HCLS1: variants seen among roughly 807,000 people sequenced by gnomAD.
HCLS1 encodes the protein hematopoietic lineage cell-specific protein.
HCLS1 carries 44 observed loss-of-function variants against 68.6 expected under a neutral mutation model. That is an observed-to-expected ratio of 0.64 (90% confidence interval 0.50 to 0.82). The LOEUF (loss-of-function observed/expected upper bound fraction) is 0.82, where lower values mean the gene tolerates loss of function less well. HCLS1 is among the 40% of genes least tolerant of loss of function. HCLS1 has a pLI of 0.00. For missense variants in HCLS1, 602 were observed against 612.1 expected, an observed-to-expected ratio of 0.98 and a Z score of 0.17; for synonymous variants, 217 against 225.8, an observed-to-expected ratio of 0.96 and a Z score of 0.35.
chr3:121,639,526 A>T (rs201757606), intron 6 of HCLS1, among the ~76,000 whole-genome samples: 1,865 of 141,026 alleles, frequency 0.013, 17 homozygotes, highest in Non-Finnish European at 0.023. Context: ...GAATGATTTT[A>T]TTTTTTGTTG....
At chr3:121,646,556 TA>T (rs1937609741) in intron 4 of HCLS1, among the ~76,000 whole-genome samples, 1 of 109,850 alleles carries the variant, frequency 9.1e-6, no homozygotes, top group African/African-American at 3.7e-5. Context: ...TTATATATAT[TA>T]ATATATATTT....
At chr3:121,645,876 C>A (rs2049241752) in intron 4 of HCLS1, among the ~76,000 whole-genome samples, 2 of 142,188 alleles carry the variant, frequency 1.4e-5, no homozygotes, top group African/African-American at 2.6e-5. Context: ...TATGAATAAA[C>A]TATATATTTA....
chr3:121,647,525 C>T, intron 3 of HCLS1, 77 bp from the exon 4 acceptor site: 3 of 1,519,168 alleles, frequency 2.0e-6, no homozygotes, highest in South Asian at 1.1e-5. Context: ...AAATGGAAGC[C>T]TTGAAGTCTG....
chr3:121,640,821 G>A (rs1482055372), intron 6 of HCLS1, among the ~76,000 whole-genome samples: 1 of 118,994 alleles, frequency 8.4e-6, no homozygotes, highest in Non-Finnish European at 1.8e-5. Context: ...GGAGGGCAGG[G>A]GAGGGGAGGG....
At chr3:121,651,545 T>C (rs115532770) in intron 3 of HCLS1, among the ~76,000 whole-genome samples, 2,573 of 152,246 alleles carry the variant, frequency 0.017, 61 homozygotes, top group African/African-American at 0.058. Context: ...CAAGTGCTTC[T>C]CCTGCCTCAG....
chr3:121,634,123 AT>A, intron 10 of HCLS1, 83 bp downstream of exon 10: 1 of 1,590,882 alleles, frequency 6.3e-7, no homozygotes. Flanking sequence ...ACTTTGCCTT[AT>A]TTTCTGCCAA....
At chr3:121,653,902 CA>C (rs1287626787) in intron 3 of HCLS1, 5 of 152,178 alleles carry the variant, frequency 3.3e-5, no homozygotes, top group African/African-American at 9.7e-5. Context: ...TTCTGTTTCA[CA>C]GGGAAATAAG....
Position 121,631,563 on chromosome 3 carries a change from C to T in HCLS1, c.*283G>A. ...AACAAACTGGGAAGCCCAGAGCTCA[C>T]AGAGGAGGAGAGCAGAGCTTGGGGT... On this transcript the variant is annotated 3_prime_UTR_variant, in exon 14 of 14. Transcript: ENST00000314583. 1 of 369,344 alleles carries T rather than the reference C, an allele frequency of 2.7e-6. No homozygotes were observed. The highest frequency in any genetic ancestry group is 4.9e-6 in the Non-Finnish European group (1 of 202,278). The allele number at this position is 369,344 out of a possible 1,614,324, so 22.9% of individuals were successfully genotyped here. A position where few individuals can be genotyped will look rare whatever the true frequency, so the allele number is the denominator to read the frequency against.
At chr3:121,658,114 G>A in intron 2 of HCLS1, 150 bp downstream of exon 2, 2 of 658,412 alleles carry the variant, frequency 3.0e-6, no homozygotes, top group Non-Finnish European at 5.5e-6. Context: ...ACAGGTGACA[G>A]CCAATTGTCC....
Position 121,632,369 on chromosome 3 carries a change from G to T in HCLS1, c.1203C>A (p.Leu401=), listed in dbSNP as rs774625408. The change falls in exon 12 of 14, where the codon CTC becomes CTA. Residue 401 remains leucine (L), a synonymous_variant. Transcript: ENST00000314583. ...DEPEGDYEEV[L]EPEDSSFSSA... ...AAGAAAAAGAAGAATCTTCAGGCTC[G>T]AGCACCTCCTCATAGTCCCCCTCTG... 1 of 1,613,876 alleles carries T rather than the reference G, an allele frequency of 6.2e-7. No homozygotes were observed.
chr3:121,644,536 T>C (rs981564396), intron 5 of HCLS1: 6 of 524,666 alleles, frequency 1.1e-5, no homozygotes, highest in African/African-American at 1.1e-4. Flanking sequence ...TCTTCATGCA[T>C]ATGAGTATAA....
chr3:121,633,028 G>GA (rs752892564), intron 11 of HCLS1, 39 bp downstream of exon 11: 2 of 1,391,014 alleles, frequency 1.4e-6, no homozygotes, highest in Admixed American at 1.7e-5. Flanking sequence ...GACTCGAGAA[G>GA]ATGGGGTGGG....
Position 121,642,953 on chromosome 3 carries a change from TCTC to T in HCLS1, c.425_427del (p.Gly142del), listed in dbSNP as rs774665416. 4.0e-5 allele frequency: 65 copies of T among 1,613,224 alleles called. No individual in the cohort carries two copies. The highest frequency in any genetic ancestry group is 5.2e-5 in the Non-Finnish European group (61 of 1,179,406). ...TTTCTGAGATGTGTGCTTCTCCACT[TCTC>T]CTTTATAATCAAAGCCGACTGCTGA... On this transcript the variant is annotated inframe_deletion, in exon 6 of 14. Coordinates refer to ENST00000314583, the MANE Select transcript of HCLS1 (RefSeq NM_005335.6).
At chr3:121,659,792 ACTGGAATGGAGAAGTTT>A (rs1364096513) in intron 1 of HCLS1, among the ~76,000 whole-genome samples, 1 of 152,178 alleles carries the variant, frequency 6.6e-6, no homozygotes, top group Non-Finnish European at 1.5e-5. Context: ...CACACAGAAA[ACTGGAATGGAGAAGTTT>A]CTGAAATAGT....
At chr3:121,640,217 A>G (rs952720851) in intron 6 of HCLS1, among the ~76,000 whole-genome samples, 4 of 152,180 alleles carry the variant, frequency 2.6e-5, no homozygotes, top group African/African-American at 9.6e-5. Context: ...CTTAAAAACC[A>G]GAAAGACTTG....
intron 1 of HCLS1, among the ~76,000 whole-genome samples, chr3:121,660,529 G>T (rs906122643): frequency 6.6e-6 from 1 of 152,198 alleles, no homozygotes; most frequent in East Asian, 1.9e-4. Context: ...ACCTAGGGGA[G>T]ACAGGCCTTA....
At chr3:121,641,808 G>A (rs112834269) in intron 6 of HCLS1, among the ~76,000 whole-genome samples, 1 of 152,106 alleles carries the variant, frequency 6.6e-6, no homozygotes, top group Admixed American at 6.5e-5. Flanking sequence ...ATGGCCAGGC[G>A]CGGTGACTCA....
intron 2 of HCLS1, 177 bp downstream of exon 2, chr3:121,658,087 G>T (rs1937913193): frequency 1.7e-6 from 1 of 588,296 alleles, no homozygotes. Context: ...CCTGATACCA[G>T]GTATCGTGCA....
intron 3 of HCLS1, chr3:121,653,584 G>GATTTCCAATAT (rs1234384705): frequency 2.6e-5 from 4 of 152,148 alleles, no homozygotes; most frequent in African/African-American, 9.7e-5. Flanking sequence ...TCCAGTCAGC[G>GATTTCCAATAT]CTGGAAATCA....
Sources: allele counts gnomAD v4.1 joint callset (sites outside exome capture counted in the v4.1 genomes callset), GRCh38; gene constraint gnomAD v4.1.1; transcripts MANE v1.5; gene names NCBI Gene and HGNC (gene_info 2026-07-23, HGNC 2026-07-21).